RANBP17: variants seen among roughly 807,000 people sequenced by gnomAD.
RANBP17 encodes ran-binding protein 17.
A neutral mutation model predicts 141.2 loss-of-function variants in RANBP17; 158 were observed. The observed-to-expected ratio is 1.12, with a 90% CI of 0.98 to 1.28. RANBP17 has a LOEUF of 1.28. Ranked by LOEUF, RANBP17 falls within the 50% of genes most tolerant of loss-of-function variation. RANBP17 has a pLI of 0.00. For missense variants in RANBP17, 1,438 were observed against 1,290.7 expected (o/e 1.11, Z -1.75); for synonymous variants, 430 against 450.0 (o/e 0.96, Z 0.56).
At chr5:170,863,140 C>A (rs1287253823) in intron 1 of RANBP17, among the ~76,000 whole-genome samples, 3 of 152,092 alleles carry the variant, frequency 2.0e-5, no homozygotes, top group African/African-American at 7.2e-5. Context: ...TTGAAAGAGT[C>A]GTAGTTGTTT....
At chr5:171,122,635 A>G (rs1756120669) in intron 14 of RANBP17, among the ~76,000 whole-genome samples, 1 of 152,188 alleles carries the variant, frequency 6.6e-6, no homozygotes, top group African/African-American at 2.4e-5. Flanking sequence ...CTAACAGTCC[A>G]TGTTCCCACT....
intron 14 of RANBP17, among the ~76,000 whole-genome samples, chr5:171,021,372 A>G (rs1428208547): frequency 1.3e-5 from 2 of 152,204 alleles, no homozygotes; most frequent in Admixed American, 6.5e-5. Flanking sequence ...GTGTTTTCCA[A>G]CTTGGTTCCA....
chr5:171,108,399 G>A (rs999190288), intron 14 of RANBP17, among the ~76,000 whole-genome samples: 4 of 152,008 alleles, frequency 2.6e-5, no homozygotes, highest in African/African-American at 9.7e-5. Context: ...AAGTTCAAGT[G>A]AAATCATGTA....
chr5:171,187,289 T>C (rs1458180855), intron 18 of RANBP17, among the ~76,000 whole-genome samples: 1 of 152,128 alleles, frequency 6.6e-6, no homozygotes, highest in Admixed American at 6.6e-5. Flanking sequence ...AGGGCACAGA[T>C]TACCATAACA....
At chr5:170,938,481 G>A (rs1774065997) in intron 12 of RANBP17, among the ~76,000 whole-genome samples, 2 of 152,090 alleles carry the variant, frequency 1.3e-5, no homozygotes, top group Admixed American at 1.3e-4. Context: ...TTATCTATTT[G>A]ATTTAGAACC....
At chr5:171,110,557 T>C (rs539129404) in intron 14 of RANBP17, among the ~76,000 whole-genome samples, 1 of 152,156 alleles carries the variant, frequency 6.6e-6, no homozygotes, top group African/African-American at 2.4e-5. Context: ...ATTTTCCAAC[T>C]GTGGCCCTGT....
intron 18 of RANBP17, among the ~76,000 whole-genome samples, chr5:171,192,151 TGATA>T (rs1280243063): frequency 6.6e-6 from 1 of 152,232 alleles, no homozygotes; most frequent in African/African-American, 2.4e-5. Flanking sequence ...CAGAAATAGC[TGATA>T]GATAGGAAGA....
At chr5:171,246,044 A>G (rs1016108411) in intron 24 of RANBP17, among the ~76,000 whole-genome samples, 7 of 151,616 alleles carry the variant, frequency 4.6e-5, no homozygotes, top group Admixed American at 3.3e-4. Flanking sequence ...ACGCCTAGCT[A>G]ATTTTTTTGT....
chr5:170,989,763 T>C (rs1457965306), intron 14 of RANBP17, among the ~76,000 whole-genome samples: 1 of 151,770 alleles, frequency 6.6e-6, no homozygotes, highest in Non-Finnish European at 1.5e-5. Context: ...CATGTTCTTA[T>C]CTAATATCCA....
At chr5:170,896,899 A>T (rs1267533062) in intron 5 of RANBP17, 2 of 604,256 alleles carry the variant, frequency 3.3e-6, no homozygotes, top group Admixed American at 2.5e-5. Context: ...GGCGCGGCTC[A>T]CAAGCGCCCC....
At chr5:170,957,146 A>G (rs1044447222) in intron 13 of RANBP17, among the ~76,000 whole-genome samples, 1 of 151,968 alleles carries the variant, frequency 6.6e-6, no homozygotes, top group African/African-American at 2.4e-5. Flanking sequence ...AACGTATATT[A>G]GGAAATAAAG....
chr5:171,008,108 A>C (rs1779779933), intron 14 of RANBP17, among the ~76,000 whole-genome samples: 1 of 152,254 alleles, frequency 6.6e-6, no homozygotes, highest in African/African-American at 2.4e-5. Flanking sequence ...TTAAACACCA[A>C]GGGAAGACTG....
Position 171,105,368 on chromosome 5 carries a change from C to T in RANBP17, c.1711-64762C>T, listed in dbSNP as rs570848506. Among the ~76,000 whole-genome samples the T allele has an allele frequency of 5.0e-4, 51 of 102,204 alleles. 1 individual carries two copies. In the East Asian group the frequency reaches 0.013, roughly 26 times the overall value. 67.0% of individuals were successfully genotyped at this position (102,204 alleles called of 152,430 possible). A position where few individuals can be genotyped will look rare whatever the true frequency, so the allele number is the denominator to read the frequency against. ...CTGCACTCCAGCCTGGGCGACAGAGCGAGACTCCGTCTCAAAAAAAAAAAA... is the reference window on the plus strand; with the variant it reads ...CTGCACTCCAGCCTGGGCGACAGAGTGAGACTCCGTCTCAAAAAAAAAAAA... On this transcript the variant is annotated intron_variant, in intron 14 of 27. Transcript: ENST00000523189.
chr5:170,926,397 T>A (rs1427570396), intron 12 of RANBP17, among the ~76,000 whole-genome samples: 1 of 152,190 alleles, frequency 6.6e-6, no homozygotes, highest in Non-Finnish European at 1.5e-5. Context: ...TTCACTCTGC[T>A]GATTAATAAG....
At chr5:171,250,889 A>G (rs1379321519) in intron 24 of RANBP17, among the ~76,000 whole-genome samples, 1 of 152,206 alleles carries the variant, frequency 6.6e-6, no homozygotes, top group Non-Finnish European at 1.5e-5. Flanking sequence ...ATAGTGGAGG[A>G]CTTCAACATG....
At position 171,268,935 on chromosome 5, in the gene RANBP17, G is replaced by A. The variant is rs370059211; in HGVS notation, c.2943+3088G>A. On this transcript the variant is annotated intron_variant, in intron 25 of 27. Transcript: ENST00000523189. ...AAGTTTGTCTTTACTCAGAATTAGCGTGCATTTGTTGGTTTAAGTAATTTC... is the reference window on the plus strand; with the variant it reads ...AAGTTTGTCTTTACTCAGAATTAGCATGCATTTGTTGGTTTAAGTAATTTC... Among the ~76,000 whole-genome samples the A allele has an allele frequency of 1.4e-3, 214 of 152,292 alleles. 9 individuals are homozygous for A. In the South Asian group the frequency reaches 0.04, roughly 28 times the overall value.
At chr5:170,947,016 G>T (rs1343815570) in intron 12 of RANBP17, among the ~76,000 whole-genome samples, 1 of 152,114 alleles carries the variant, frequency 6.6e-6, no homozygotes, top group Non-Finnish European at 1.5e-5. Context: ...AGGTGACTGA[G>T]AGTATTGATT....
intron 14 of RANBP17, among the ~76,000 whole-genome samples, chr5:171,034,751 A>G (rs757288361): frequency 2.4e-4 from 37 of 152,226 alleles, no homozygotes; most frequent in Non-Finnish European, 3.8e-4. Flanking sequence ...AAAATACTCT[A>G]TGACTTTTTC....
Position 170,892,129 on chromosome 5 carries a change from CT to C in RANBP17, c.257-239del, listed in dbSNP as rs143842890. ...TTTTTTGTTTAAAGTTCACAAAATT[CT>C]TTTTTTTTTTTTTTTTTTACATTAA... On this transcript the variant is annotated intron_variant, in intron 3 of 27. Transcript: ENST00000523189. Among the ~76,000 whole-genome samples, 866 of 131,844 alleles carry C rather than the reference CT, an allele frequency of 6.6e-3. 3 individuals carry two copies. The highest frequency in any genetic ancestry group is 0.016 in the African/African-American group (567 of 35,288). The allele number at this position is 131,844 out of a possible 152,430, so 86.5% of individuals were successfully genotyped here.
Sources: allele counts gnomAD v4.1 joint callset (sites outside exome capture counted in the v4.1 genomes callset), GRCh38; gene constraint gnomAD v4.1.1; transcripts MANE v1.5; gene names NCBI Gene and HGNC (gene_info 2026-07-23, HGNC 2026-07-21).